The following SAMD5 variants were observed in gnomAD, a reference collection of about 807,000 sequenced individuals.
The protein encoded by SAMD5 is sterile alpha motif domain containing 5.
In SAMD5, 13 loss-of-function variants were observed where a neutral mutation model predicts 11.3. The observed-to-expected ratio is 1.15, with a 90% CI of 0.75 to 1.83. The LOEUF (loss-of-function observed/expected upper bound fraction) is 1.83. Ranked by LOEUF, SAMD5 falls within the 40% of genes most tolerant of loss-of-function variation. SAMD5 has a pLI of 0.00. For synonymous variants in SAMD5, 129 were observed against 111.3 expected (o/e 1.16, Z -1.00); for missense variants, 255 against 239.1 (o/e 1.07, Z -0.44).
chr6:147,946,885 A>G, the SAMD5 span, among the ~76,000 whole-genome samples: 2 of 152,262 alleles, frequency 1.3e-5, no homozygotes, highest in South Asian at 2.1e-4. Flanking sequence ...TTTGGATCAC[A>G]GTTAACCTGA....
the SAMD5 span, among the ~76,000 whole-genome samples, chr6:147,943,695 C>T: frequency 7.9e-5 from 12 of 152,196 alleles, no homozygotes; most frequent in Non-Finnish European, 7.4e-5. Flanking sequence ...AGGATCTCTC[C>T]TGTTCTCTGC....
Position 147,637,308 on chromosome 6 carries a change from A to C in SAMD5, c.163-100009A>C, listed in dbSNP as rs1333739325. Among the ~76,000 whole-genome samples, 3 of 152,164 alleles carry C rather than the reference A, an allele frequency of 2.0e-5. No individual in the cohort carries two copies. In the East Asian group the frequency reaches 5.8e-4, roughly 29 times the overall value. ...ACATACCAGGCTCTCCATAAACCTC[A>C]CACTTAATGGAATAAGCTCATTTCA... On this transcript the variant is annotated intron_variant, in intron 1 of 1. Coordinates refer to the SAMD5 transcript ENST00000566741.
rs143857295 is a variant in SAMD5, at chr6:147,575,693, A to C, written c.162+66306A>C. 8.6e-3 allele frequency among the ~76,000 whole-genome samples: 1,314 copies of C among 152,344 alleles called. 10 individuals carry two copies. The highest frequency in any genetic ancestry group is 0.031 in the Middle Eastern group (9 of 294). On this transcript the variant is annotated intron_variant, in intron 1 of 1. Transcript: ENST00000566741. ...TTTTGCGTGTAACTGCCTGAGACTCAGAATAAGAATATCTTTTGATATATT... is the reference window on the plus strand; with the variant it reads ...TTTTGCGTGTAACTGCCTGAGACTCCGAATAAGAATATCTTTTGATATATT...
intron 1 of SAMD5, among the ~76,000 whole-genome samples, chr6:147,702,103 G>A (rs546657022): frequency 3.9e-5 from 6 of 152,282 alleles, no homozygotes; most frequent in East Asian, 1.9e-4. Context: ...CCATCATGGC[G>A]GAAGACAAAA....
chr6:147,609,623 C>T (rs1218009719), intron 1 of SAMD5, among the ~76,000 whole-genome samples: 1 of 152,162 alleles, frequency 6.6e-6, no homozygotes, highest in African/African-American at 2.4e-5. Flanking sequence ...AATCTCGGCT[C>T]ACTGCCACCT....
the SAMD5 span, among the ~76,000 whole-genome samples, chr6:147,889,524 T>G: frequency 3.9e-5 from 6 of 152,258 alleles, no homozygotes; most frequent in Non-Finnish European, 7.3e-5. Flanking sequence ...TAATTTGTTA[T>G]TAGATGCTAG....
At chr6:147,797,654 TC>T in the SAMD5 span, among the ~76,000 whole-genome samples, 2 of 141,254 alleles carry the variant, frequency 1.4e-5, no homozygotes, top group Non-Finnish European at 3.0e-5. Flanking sequence ...TACCAGGTCC[TC>T]CTTGTACCTC....
intron 1 of SAMD5, among the ~76,000 whole-genome samples, chr6:147,668,412 GTTTT>G (rs1169199511): frequency 6.6e-6 from 1 of 152,010 alleles, no homozygotes; most frequent in Non-Finnish European, 1.5e-5. Flanking sequence ...AATTTTCAGG[GTTTT>G]TTTGTAAGTA....
intron 1 of SAMD5, among the ~76,000 whole-genome samples, chr6:147,550,209 G>T (rs1486631208): frequency 1.3e-5 from 2 of 152,058 alleles, no homozygotes; most frequent in African/African-American, 4.8e-5. Context: ...CTGCACTAGA[G>T]CCGGGGCAAC....
chr6:147,561,744 C>T (rs1056020933), intron 1 of SAMD5, among the ~76,000 whole-genome samples: 15 of 152,114 alleles, frequency 9.9e-5, no homozygotes, highest in African/African-American at 3.6e-4. Context: ...TCAAGCTTGT[C>T]AGAATTTTAA....
chr6:147,579,071 T>C (rs1789258276), intron 1 of SAMD5, among the ~76,000 whole-genome samples: 1 of 152,240 alleles, frequency 6.6e-6, no homozygotes, highest in African/African-American at 2.4e-5. Flanking sequence ...TCCTAAACAA[T>C]CCAGTTTGAG....
At chr6:147,936,543 G>A in the SAMD5 span, among the ~76,000 whole-genome samples, 1 of 152,016 alleles carries the variant, frequency 6.6e-6, no homozygotes, top group East Asian at 1.9e-4. Flanking sequence ...TGCTAAACCA[G>A]TCATGAGAAA....
At chr6:147,611,128 T>A (rs1789778594) in intron 1 of SAMD5, among the ~76,000 whole-genome samples, 1 of 152,064 alleles carries the variant, frequency 6.6e-6, no homozygotes. Flanking sequence ...CACCTTGGCC[T>A]CCCAAAGTGC....
intron 1 of SAMD5, among the ~76,000 whole-genome samples, chr6:147,706,931 T>A (rs1270684011): frequency 6.6e-6 from 1 of 152,230 alleles, no homozygotes; most frequent in Admixed American, 6.5e-5. Context: ...ACACTATTTA[T>A]GACTGAGGTT....
At chr6:147,919,400 A>G in the SAMD5 span, among the ~76,000 whole-genome samples, 3 of 152,154 alleles carry the variant, frequency 2.0e-5, no homozygotes, top group African/African-American at 7.2e-5. Flanking sequence ...ATGAGAAACC[A>G]TGCGCTAGCA....
intron 1 of SAMD5, among the ~76,000 whole-genome samples, chr6:147,643,523 C>A (rs564523462): frequency 3.9e-5 from 6 of 152,096 alleles, no homozygotes; most frequent in Non-Finnish European, 7.4e-5. Context: ...CCCGTGGCAA[C>A]ATTTAGAGGG....
chr6:147,922,769 A>G, the SAMD5 span, among the ~76,000 whole-genome samples: 3 of 152,220 alleles, frequency 2.0e-5, no homozygotes, highest in Non-Finnish European at 4.4e-5. Context: ...AAATTATTAC[A>G]GAAATTACAA....
chr6:147,870,431 GGT>G, the SAMD5 span, among the ~76,000 whole-genome samples: 15 of 138,290 alleles, frequency 1.1e-4, no homozygotes, highest in South Asian at 1.4e-3. Flanking sequence ...CATCCCCTTT[GGT>G]GTGTGTGTGT....
the SAMD5 span, among the ~76,000 whole-genome samples, chr6:147,867,054 G>T: frequency 3.3e-5 from 5 of 152,082 alleles, no homozygotes; most frequent in African/African-American, 1.2e-4. Flanking sequence ...GCTAGGAAAA[G>T]GAAAATTTTC....
Sources: gnomAD v4.1 joint callset for allele counts (sites outside exome capture counted in the v4.1 genomes callset) on GRCh38, gnomAD v4.1.1 for gene constraint, MANE v1.5 for transcripts, NCBI Gene and HGNC (gene_info 2026-07-23, HGNC 2026-07-21) for gene names.